Variants in TMEM39B observed in about 807,000 individuals in gnomAD.
TMEM39B encodes transmembrane protein 39B.
A neutral mutation model predicts 52.2 loss-of-function variants in TMEM39B; 23 were observed. The ratio of observed to expected loss-of-function variants is 0.44; its 90% CI spans 0.32 to 0.62. TMEM39B has a LOEUF of 0.62. TMEM39B is among the 20% of genes least tolerant of loss of function. The probability of loss-of-function intolerance (pLI) is 0.06; values close to 1 mark genes in which losing one functional copy is unlikely to be tolerated. For missense variants in TMEM39B, 547 were observed against 642.0 expected (o/e 0.85, Z 1.60); for synonymous variants, 285 against 264.0 (o/e 1.08, Z -0.77).
chr1:32,080,131 G>A lies in TMEM39B; in HGVS notation c.590+2813G>A, dbSNP rs146592359. Among the ~76,000 whole-genome samples the A allele has an allele frequency of 1.6e-3, 244 of 151,870 alleles. 2 individuals carry two copies. In the East Asian group the frequency reaches 0.02, roughly 13 times the overall value. On this transcript the variant is annotated intron_variant, in intron 5 of 8. Coordinates refer to ENST00000336294, the MANE Select transcript of TMEM39B (RefSeq NM_018056.4). Reference sequence around the variant, plus strand: ...TCTCGATCTCCTGACCTCGTGATCCGCCCACCTTGGTCTCCCAAAGTGCTG... The same window carrying A: ...TCTCGATCTCCTGACCTCGTGATCCACCCACCTTGGTCTCCCAAAGTGCTG...
intron 6 of TMEM39B, among the ~76,000 whole-genome samples, chr1:32,093,874 A>G (rs1208128836): frequency 6.6e-6 from 1 of 151,818 alleles, no homozygotes; most frequent in Non-Finnish European, 1.5e-5. Flanking sequence ...GCTGGAGTAC[A>G]GTGGCACAAT....
chr1:32,072,907 C>T (rs1000890109), upstream of TMEM39B: 4 of 1,180,486 alleles, frequency 3.4e-6, no homozygotes, highest in Admixed American at 8.6e-5. Context: ...GCCTTGTATG[C>T]AAATGTAGCG....
chr1:32,089,836 C>T (rs1302466003), intron 5 of TMEM39B, among the ~76,000 whole-genome samples: 6 of 151,572 alleles, frequency 4.0e-5, no homozygotes, highest in Admixed American at 6.6e-5. Flanking sequence ...TCAAGACCAG[C>T]GTGGCCAACA....
intron 7 of TMEM39B, among the ~76,000 whole-genome samples, chr1:32,099,136 C>T (rs1288939603): frequency 6.6e-6 from 1 of 151,732 alleles, no homozygotes; most frequent in Non-Finnish European, 1.5e-5. Context: ...GCCTATAGTT[C>T]TGAGGCAGGA....
intron 1 of TMEM39B, among the ~76,000 whole-genome samples, 156 bp from the exon 2 acceptor site, chr1:32,074,795 G>A (rs1639782872): frequency 2.6e-5 from 4 of 152,120 alleles, no homozygotes; most frequent in Admixed American, 2.6e-4. Context: ...AATGATAGGG[G>A]ATGAAGCTGA....
Position 32,075,085 on chromosome 1 carries a change from A to T in TMEM39B, c.131+8A>T. 1 of 1,547,384 alleles carries T rather than the reference A, an allele frequency of 6.5e-7. No individual in the cohort carries two copies. The highest frequency in any genetic ancestry group is 8.7e-7 in the Non-Finnish European group (1 of 1,144,596). ...TGTTCGTTCCCGCACCAGGTAAACC[A>T]CCTCTCTGTCTCACCCCTCACTGTG... On this transcript the variant is annotated splice_region_variant and intron_variant, in intron 2 of 8. Coordinates refer to ENST00000336294, the MANE Select transcript of TMEM39B (RefSeq NM_018056.4).
At chr1:32,090,549 C>T (rs1376801827) in intron 5 of TMEM39B, among the ~76,000 whole-genome samples, 1 of 152,182 alleles carries the variant, frequency 6.6e-6, no homozygotes, top group Non-Finnish European at 1.5e-5. Flanking sequence ...CTCCTAGGTT[C>T]AGGTGATCCT....
At chr1:32,089,577 A>C (rs1557431659) in intron 5 of TMEM39B, among the ~76,000 whole-genome samples, 1 of 152,004 alleles carries the variant, frequency 6.6e-6, no homozygotes, top group Non-Finnish European at 1.5e-5. Context: ...ACAGAAACTC[A>C]GGGAGGCTAA....
chr1:32,073,197 C>T (rs1639707773), intron 1 of TMEM39B, 146 bp downstream of exon 1: 1 of 1,055,116 alleles, frequency 9.5e-7, no homozygotes, highest in African/African-American at 1.7e-5. Flanking sequence ...CCGCCCCCTC[C>T]TGTCGTTTTG....
At chr1:32,089,030 A>G (rs545141040) in intron 5 of TMEM39B, among the ~76,000 whole-genome samples, 6 of 152,228 alleles carry the variant, frequency 3.9e-5, no homozygotes, top group East Asian at 1.9e-4. Context: ...GAGTGGGATC[A>G]ATACAAGCTA....
chr1:32,075,845 T>G, intron 3 of TMEM39B, 23 bp downstream of exon 3: 1 of 1,238,690 alleles, frequency 8.1e-7, no homozygotes, highest in Non-Finnish European at 1.1e-6. Flanking sequence ...CAAGGGTGTG[T>G]GTGTGTGTGT....
chr1:32,082,252 C>T (rs1640130605), intron 5 of TMEM39B, among the ~76,000 whole-genome samples: 1 of 152,034 alleles, frequency 6.6e-6, no homozygotes, highest in Non-Finnish European at 1.5e-5. Flanking sequence ...TCAAGCTTGA[C>T]ATTCACATTC....
chr1:32,077,457 C>G, intron 5 of TMEM39B, 139 bp downstream of exon 5: 7 of 1,109,482 alleles, frequency 6.3e-6, no homozygotes, highest in Non-Finnish European at 9.0e-6. Flanking sequence ...TCAGATGACA[C>G]TCACTCACTG....
intron 5 of TMEM39B, among the ~76,000 whole-genome samples, chr1:32,079,008 C>G (rs1193885409): frequency 6.6e-6 from 1 of 152,038 alleles, no homozygotes; most frequent in African/African-American, 2.4e-5. Flanking sequence ...CCACACTTTT[C>G]ACTTAATCAT....
chr1:32,102,192 A>C (rs1282501143), intron 8 of TMEM39B, among the ~76,000 whole-genome samples: 3 of 152,132 alleles, frequency 2.0e-5, no homozygotes, highest in Non-Finnish European at 2.9e-5. Flanking sequence ...GGGAGGTAGA[A>C]GTTGAACAGG....
chr1:32,079,959 G>A (rs1055541350), intron 5 of TMEM39B, among the ~76,000 whole-genome samples: 2 of 151,922 alleles, frequency 1.3e-5, no homozygotes, highest in African/African-American at 4.8e-5. Flanking sequence ...AGTAGAGATG[G>A]GGTTTCTCCA....
At chr1:32,089,344 G>C (rs1018936627) in intron 5 of TMEM39B, among the ~76,000 whole-genome samples, 10 of 151,770 alleles carry the variant, frequency 6.6e-5, no homozygotes. Context: ...TCTTGCCCAG[G>C]CTGGTCTTGA....
At chr1:32,087,691 C>T (rs1420622564) in intron 5 of TMEM39B, 1 of 144,928 alleles carries the variant, frequency 6.9e-6, no homozygotes, top group African/African-American at 2.5e-5. Context: ...AGTCTGTCAC[C>T]CAGGCTGGAG....
chr1:32,098,543 T>C (rs1640899614), intron 7 of TMEM39B, among the ~76,000 whole-genome samples: 2 of 151,518 alleles, frequency 1.3e-5, no homozygotes, highest in South Asian at 2.1e-4. Context: ...CCATCCTGGC[T>C]AACACGGTGA....
Sources: allele counts gnomAD v4.1 joint callset (sites outside exome capture counted in the v4.1 genomes callset), GRCh38; gene constraint gnomAD v4.1.1; transcripts MANE v1.5; gene names NCBI Gene and HGNC (gene_info 2026-07-23, HGNC 2026-07-21).